The following ABLIM1 variants were observed in gnomAD, a reference collection of about 807,000 sequenced individuals.
The protein encoded by ABLIM1 is actin binding LIM protein 1.
A neutral mutation model predicts 107.0 loss-of-function variants in ABLIM1; 40 were observed. The observed-to-expected ratio is 0.37, with a 90% CI of 0.29 to 0.49. The LOEUF (loss-of-function observed/expected upper bound fraction) is 0.49, where lower values mean the gene tolerates loss of function less well. Ranked by LOEUF, ABLIM1 falls within the 20% of genes least tolerant of loss-of-function variation. ABLIM1 has a pLI of 0.97. For missense variants in ABLIM1, 857 were observed against 1,008.5 expected (o/e 0.85, Z 2.04); for synonymous variants, 357 against 357.3 (o/e 1.00, Z 0.01).
chr10:114,601,603 G>A (rs934471712), intron 2 of ABLIM1: 4 of 663,454 alleles, frequency 6.0e-6, no homozygotes, highest in Admixed American at 4.4e-5. Context: ...CAGGAGAAGG[G>A]GCCTCAGTGA....
At chr10:114,703,180 ACTGT>A (rs1311445008) in intron 1 of ABLIM1, among the ~76,000 whole-genome samples, 2 of 152,224 alleles carry the variant, frequency 1.3e-5, no homozygotes, top group Non-Finnish European at 2.9e-5. Context: ...ACAAAATGAA[ACTGT>A]CTATGTTCCT....
chr10:114,512,213 A>G (rs1590717720), intron 6 of ABLIM1, among the ~76,000 whole-genome samples: 1 of 152,342 alleles, frequency 6.6e-6, no homozygotes, highest in Admixed American at 6.5e-5. Flanking sequence ...CTGTGCGTAA[A>G]AAGGGCTGAA....
intron 2 of ABLIM1, among the ~76,000 whole-genome samples, chr10:114,580,441 G>T (rs950988598): frequency 6.6e-6 from 1 of 151,884 alleles, no homozygotes; most frequent in Non-Finnish European, 1.5e-5. Flanking sequence ...TTGAACTCTC[G>T]GCCTCAAGTG....
Position 114,545,177 on chromosome 10 carries a change from G to C in ABLIM1, c.801-79C>G, listed in dbSNP as rs576007980. Reference sequence around the variant, plus strand: ...GACACCAAAACCACATTTCTCCAAGGCCTTTCCACAGAAGGGCAGGACATA... The same window carrying C: ...GACACCAAAACCACATTTCTCCAAGCCCTTTCCACAGAAGGGCAGGACATA... On this transcript the variant is annotated intron_variant, in intron 5 of 22. Coordinates refer to ENST00000533213, the MANE Select transcript of ABLIM1 (RefSeq NM_002313.7). 6 of 1,285,584 alleles carry C rather than the reference G, an allele frequency of 4.7e-6. No homozygotes were observed. The African/African-American group carries it at 8.8e-5, about 19-fold the overall frequency. The allele number at this position is 1,285,584 out of a possible 1,614,324, so 79.6% of individuals were successfully genotyped here. A position where few individuals can be genotyped will look rare whatever the true frequency, so the allele number is the denominator to read the frequency against.
intron 1 of ABLIM1, among the ~76,000 whole-genome samples, chr10:114,620,956 C>T (rs1359750291): frequency 2.0e-5 from 3 of 152,176 alleles, no homozygotes; most frequent in Non-Finnish European, 2.9e-5. Context: ...GGCATCCATA[C>T]GTCTGACCCC....
chr10:114,579,189 T>TA (rs2073049137), intron 2 of ABLIM1, among the ~76,000 whole-genome samples: 1 of 152,092 alleles, frequency 6.6e-6, no homozygotes, highest in Admixed American at 6.6e-5. Context: ...CAATTTTTTT[T>TA]AACAACATTT....
intron 1 of ABLIM1, among the ~76,000 whole-genome samples, chr10:114,701,038 G>A (rs1389201235): frequency 1.3e-5 from 2 of 151,892 alleles, no homozygotes; most frequent in Admixed American, 6.6e-5. Flanking sequence ...ACATAAAGCA[G>A]ACATATAACC....
At chr10:114,737,185 G>A (rs757273514) in intron 1 of ABLIM1, among the ~76,000 whole-genome samples, 47 of 152,108 alleles carry the variant, frequency 3.1e-4, no homozygotes, top group Non-Finnish European at 6.3e-4. Context: ...TTAGCTGGGT[G>A]TAATAGCATG....
At chr10:114,600,284 C>T (rs758575657) in intron 2 of ABLIM1, among the ~76,000 whole-genome samples, 35 of 152,264 alleles carry the variant, frequency 2.3e-4, no homozygotes, top group Non-Finnish European at 1.6e-4. Context: ...GTTTATCATA[C>T]TTACTCACAG....
rs549921955 is a variant in ABLIM1, at chr10:114,728,391, ACATGTAAG to A, written c.-213+39662_-213+39669del. Among the ~76,000 whole-genome samples, 782 of 151,616 alleles carry A rather than the reference ACATGTAAG, an allele frequency of 5.2e-3. 4 individuals carry two copies. Among genetic ancestry groups the A allele is most frequent in the Non-Finnish European group, 8.7e-3 (592 of 68,010 alleles). The stretch of plus-strand genomic sequence containing the variant: ...TTTATGCACGCTGCATCAGGAAGAC[ACATGTAAG>A]CATGTTCATTGCATCATTATTGTAA... On this transcript the variant is annotated intron_variant, in intron 1 of 15. Transcript: ENST00000651092.
intron 1 of ABLIM1, among the ~76,000 whole-genome samples, chr10:114,764,009 G>A (rs2082819350): frequency 6.6e-6 from 1 of 152,120 alleles, no homozygotes; most frequent in African/African-American, 2.4e-5. Flanking sequence ...TCTATCTTTA[G>A]TGTTTAGAAA....
Position 114,598,836 on chromosome 10 carries a change from AT to A in ABLIM1, c.379+2990del, listed in dbSNP as rs879701124. ...ATTTAGAATTATACAAGTGGCTTGC[AT>A]TTTTTTTTTAATTTATTTTTTAAGT... On this transcript the variant is annotated intron_variant, in intron 2 of 22. Coordinates refer to ENST00000533213, the MANE Select transcript of ABLIM1 (RefSeq NM_002313.7). Among the ~76,000 whole-genome samples the A allele has an allele frequency of 1.9e-3, 284 of 149,676 alleles. 1 individual carries two copies. Among genetic ancestry groups the A allele is most frequent in the Admixed American group, 5.5e-3 (82 of 14,992 alleles).
At chr10:114,675,022 G>T (rs2080419437) in intron 1 of ABLIM1, among the ~76,000 whole-genome samples, 1 of 152,024 alleles carries the variant, frequency 6.6e-6, no homozygotes, top group East Asian at 1.9e-4. Context: ...AAAGTCCTCT[G>T]TATCAGCGTG....
chr10:114,639,017 A>AT (rs957781368), intron 1 of ABLIM1, among the ~76,000 whole-genome samples: 2 of 152,132 alleles, frequency 1.3e-5, no homozygotes, highest in African/African-American at 4.8e-5. Flanking sequence ...ATTAAAAACA[A>AT]TTTTTTTGCA....
At chr10:114,698,482 G>A (rs894196890) in intron 1 of ABLIM1, among the ~76,000 whole-genome samples, 7 of 150,452 alleles carry the variant, frequency 4.7e-5, no homozygotes, top group Admixed American at 2.6e-4. Flanking sequence ...AAAAAGAGAG[G>A]ACAAAGAAAG....
In ABLIM1 at chr10:114,461,459, A is replaced by C. The variant is rs142960615; in HGVS notation, c.1441+4239T>G. On this transcript the variant is annotated intron_variant, in intron 12 of 22. Coordinates refer to ENST00000533213, the MANE Select transcript of ABLIM1 (RefSeq NM_002313.7). ...TTATGATTTTATAAACATTCTCTAA[A>C]GTATAATCTTGACATTTTATAAATA... 8.3e-4 allele frequency among the ~76,000 whole-genome samples: 126 copies of C among 151,898 alleles called. 1 individual carries two copies. The East Asian group carries it at 0.023, about 28-fold the overall frequency.
intron 2 of ABLIM1, among the ~76,000 whole-genome samples, chr10:114,581,711 G>A (rs898559916): frequency 1.3e-5 from 2 of 152,034 alleles, no homozygotes; most frequent in African/African-American, 4.8e-5. Context: ...CATCTAGCAT[G>A]CTGCCAGGTG....
intron 6 of ABLIM1, among the ~76,000 whole-genome samples, chr10:114,531,206 T>C (rs72826987): frequency 0.19 from 29,017 of 152,180 alleles, 2,950 homozygotes; most frequent in Middle Eastern, 0.3. Context: ...AAGCTGTAAG[T>C]TCATTCCAAA....
At position 114,559,943 on chromosome 10, in the gene ABLIM1, A is replaced by G. The variant is rs1270823925; in HGVS notation, c.673+11354T>C. On this transcript the variant is annotated intron_variant, in intron 4 of 22. Coordinates refer to ENST00000533213, the MANE Select transcript of ABLIM1 (RefSeq NM_002313.7). ...GGATCTAAGAGTGGGAGAGAAAGCA[A>G]ACAAGAGAGGAAGAAAGGCACCCAG... 2.0e-5 allele frequency among the ~76,000 whole-genome samples: 3 copies of G among 152,174 alleles called. No individual in the cohort carries two copies. The East Asian group carries it at 5.8e-4, about 29-fold the overall frequency.
Sources: allele counts gnomAD v4.1 joint callset (sites outside exome capture counted in the v4.1 genomes callset), GRCh38; gene constraint gnomAD v4.1.1; transcripts MANE v1.5; gene names NCBI Gene and HGNC (gene_info 2026-07-23, HGNC 2026-07-21).